The following SETD4 variants were observed in gnomAD, a reference collection of about 807,000 sequenced individuals.
SETD4 encodes the protein SET domain-containing protein 4.
Under a neutral mutation model 58.3 loss-of-function variants are expected in SETD4, and 46 were observed. The observed-to-expected ratio is 0.79, with a 90% confidence interval of 0.62 to 1.01. The LOEUF (loss-of-function observed/expected upper bound fraction) is 1.01, where lower values mean the gene tolerates loss of function less well. Ranked by LOEUF, SETD4 falls within the 50% of genes least tolerant of loss-of-function variation. The pLI is 0.00. For missense variants in SETD4, 490 were observed against 523.3 expected, an observed-to-expected ratio of 0.94 and a Z score of 0.62; for synonymous variants, 190 against 202.6, an observed-to-expected ratio of 0.94 and a Z score of 0.53.
chr21:36,043,696 T>C (rs1271193175), intron 7 of SETD4, 86 bp downstream of exon 7: 1 of 1,559,660 alleles, frequency 6.4e-7, no homozygotes, highest in East Asian at 2.3e-5. Flanking sequence ...AAGGTTTTGA[T>C]ATTTTTATTA....
At chr21:36,055,514 G>C (rs950126520) in intron 3 of SETD4, among the ~76,000 whole-genome samples, 1 of 152,174 alleles carries the variant, frequency 6.6e-6, no homozygotes, top group South Asian at 2.1e-4. Flanking sequence ...AAAGAAGAGA[G>C]AGTCTAAAGA....
intron 7 of SETD4, 70 bp downstream of exon 7, chr21:36,043,712 G>A: frequency 1.3e-6 from 2 of 1,583,404 alleles, no homozygotes; most frequent in Non-Finnish European, 8.6e-7. Flanking sequence ...TATTAAAACT[G>A]AAAATACACA....
At chr21:36,040,091 T>C (rs1183654401) in intron 9 of SETD4, among the ~76,000 whole-genome samples, 1 of 152,000 alleles carries the variant, frequency 6.6e-6, no homozygotes, top group African/African-American at 2.4e-5. Context: ...GGCAGGAACA[T>C]GAGGGAGCCT....
intron 9 of SETD4, 100 bp downstream of exon 9, chr21:36,040,475 G>C (rs1423005418): frequency 1.8e-5 from 17 of 930,824 alleles, no homozygotes; most frequent in Non-Finnish European, 3.0e-5. Flanking sequence ...TTTCCTCCCT[G>C]GCTGGGTATC....
chr21:36,044,119 T>TCGACTTCACCC (rs376427547), intron 6 of SETD4, among the ~76,000 whole-genome samples, 163 bp from the exon 7 acceptor site: 30 of 152,306 alleles, frequency 2.0e-4, no homozygotes, highest in African/African-American at 7.2e-4. Flanking sequence ...TTCATCCACC[T>TCGACTTCACCC]CGACTTCACC....
At chr21:36,040,098 G>T (rs563388031) in intron 9 of SETD4, among the ~76,000 whole-genome samples, 1 of 152,246 alleles carries the variant, frequency 6.6e-6, no homozygotes, top group Non-Finnish European at 1.5e-5. Flanking sequence ...ACATGAGGGA[G>T]CCTGGCCAGG....
chr21:36,043,222 C>G, intron 7 of SETD4: 1 of 156,896 alleles, frequency 6.4e-6, no homozygotes, highest in Non-Finnish European at 1.4e-5. Context: ...GATTACACCA[C>G]TGCACTCCAG....
In SETD4 at chr21:36,045,932, A is replaced by G; in HGVS notation, c.376T>C (p.Trp126Arg). ...GGTAAAATCTCCAGGTAAGGCTTCC[A>G]AAGAGATCGGTGCCCAGCATGCTTT... ...SEKHAGHRSLWKPYLEILPKA... is the reference protein window; with the variant it reads ...SEKHAGHRSLRKPYLEILPKA... Residue 126 changes from tryptophan (W) to arginine (R), a missense_variant, in exon 6 of 12, where the codon TGG becomes CGG. Trp to Arg is a moderately radical substitution (Grantham distance 101). Coordinates refer to ENST00000332131, the MANE Select transcript of SETD4 (RefSeq NM_017438.5). 6.2e-7 allele frequency: 1 copy of G among 1,614,240 alleles called. No homozygotes were observed. The highest frequency in any genetic ancestry group is 1.3e-5 in the African/African-American group (1 of 75,058).
chr21:36,043,616 T>A, intron 7 of SETD4, 166 bp downstream of exon 7: 2 of 1,412,932 alleles, frequency 1.4e-6, no homozygotes, highest in Non-Finnish European at 1.8e-6. Flanking sequence ...ACTTCAACAC[T>A]GAAATTACAG....
At position 36,051,095 on chromosome 21, in the gene SETD4, A is replaced by G. The variant is rs896121776; in HGVS notation, c.207+2488T>C. ...TCGTCTTTCATAAGGCTTGTAATCT[A>G]GATGTAGCTGGTATCAGAGCAGACT... On this transcript the variant is annotated intron_variant, in intron 4 of 11. Coordinates refer to ENST00000332131, the MANE Select transcript of SETD4 (RefSeq NM_017438.5). 2.8e-6 allele frequency: 4 copies of G among 1,418,764 alleles called. No individual in the cohort carries two copies. In the East Asian group the frequency reaches 6.8e-5, roughly 24 times the overall value. The allele number at this position is 1,418,764 out of a possible 1,614,324, so 87.9% of individuals were successfully genotyped here.
In SETD4 at chr21:36,045,970, A is replaced by G; in HGVS notation, c.338T>C (p.Phe113Ser). The G allele has an allele frequency of 4.3e-6, 7 of 1,614,156 alleles. No individual in the cohort carries two copies. Among genetic ancestry groups the G allele is most frequent in the Non-Finnish European group, 5.9e-6 (7 of 1,180,040 alleles). ...PPSPLLALCT[F>S]LVSEKHAGHR... is the part of the protein sequence containing the mutation. ...CCCAGCATGCTTTTCTGAAACTAAA[A>G]AGGTGCACAGCGCCAGCAGAGGAGA... The change falls in exon 6 of 12, where the codon TTT becomes TCT. Residue 113 changes from phenylalanine to serine, a missense_variant. Coordinates refer to ENST00000332131, the MANE Select transcript of SETD4 (RefSeq NM_017438.5).
chr21:36,036,148 G>A lies in SETD4; in HGVS notation c.1292C>T (p.Thr431Ile). The A allele has an allele frequency of 6.2e-7, 1 of 1,614,088 alleles. No homozygotes were observed. Among genetic ancestry groups the A allele is most frequent in the Non-Finnish European group, 8.5e-7 (1 of 1,180,024 alleles). ...ELKILRASAE[T>I]LHSLQTAFT ...AAAAGCTGTTTGCAAACTGTGCAGG[G>A]TCTCGGCAGATGCCCTGAGAATCTT... The change falls in exon 11 of 12, where the codon ACC (threonine) becomes ATC (isoleucine). Residue 431 changes from threonine (T) to isoleucine (I), a missense_variant. Transcript: ENST00000332131.
intron 5 of SETD4, 139 bp downstream of exon 5, chr21:36,048,169 C>G: frequency 1.3e-6 from 1 of 750,844 alleles, no homozygotes; most frequent in Non-Finnish European, 2.3e-6. Flanking sequence ...ATGGAGTAAA[C>G]TTTTCACATC....
At chr21:36,053,153 G>A (rs528962726) in intron 4 of SETD4, 1 of 193,728 alleles carries the variant, frequency 5.2e-6, no homozygotes, top group African/African-American at 2.4e-5. Flanking sequence ...CAAGGACAGA[G>A]GGACTGGAAT....
chr21:36,051,944 A>G (rs556528033), intron 4 of SETD4, among the ~76,000 whole-genome samples: 12 of 151,860 alleles, frequency 7.9e-5, no homozygotes, highest in African/African-American at 2.7e-4. Context: ...TTCCCTCTTA[A>G]TTTGGTGGGA....
rs116805332 is a variant in SETD4, at chr21:36,038,913, A to T, written c.1065-640T>A. 6.9e-3 allele frequency among the ~76,000 whole-genome samples: 1,045 copies of T among 152,236 alleles called. 6 individuals are homozygous for T. Among genetic ancestry groups the T allele is most frequent in the African/African-American group, 0.023 (970 of 41,534 alleles). On this transcript the variant is annotated intron_variant, in intron 9 of 11. Coordinates refer to ENST00000332131, the MANE Select transcript of SETD4 (RefSeq NM_017438.5). ...TGCGGAGCAGAGGTGGCAGCGCCAG[A>T]CCTAGACACTAGAAAGAAGAACTAC...
At chr21:36,049,722 T>C (rs1329616661) in intron 4 of SETD4, among the ~76,000 whole-genome samples, 5 of 152,256 alleles carry the variant, frequency 3.3e-5, no homozygotes, top group African/African-American at 9.6e-5. Context: ...ATCATCAAAA[T>C]GCAAACTGTA....
chr21:36,056,536 T>A (rs760828478), intron 3 of SETD4, among the ~76,000 whole-genome samples: 6 of 152,172 alleles, frequency 3.9e-5, no homozygotes, highest in Non-Finnish European at 8.8e-5. Flanking sequence ...TGTGAGAGAA[T>A]GTTCCAGAAG....
At chr21:36,051,726 T>C (rs1156255461) in intron 4 of SETD4, among the ~76,000 whole-genome samples, 2 of 152,248 alleles carry the variant, frequency 1.3e-5, no homozygotes, top group African/African-American at 2.4e-5. Flanking sequence ...AAAATGGTTT[T>C]GCTACAAATA....
Sources: allele counts gnomAD v4.1 joint callset (sites outside exome capture counted in the v4.1 genomes callset), GRCh38; gene constraint gnomAD v4.1.1; transcripts MANE v1.5; gene names NCBI Gene and HGNC (gene_info 2026-07-23, HGNC 2026-07-21).